The following GALNTL6 variants were observed in gnomAD, a reference collection of about 807,000 sequenced individuals.
The protein encoded by GALNTL6 is polypeptide N-acetylgalactosaminyltransferase-like 6.
A neutral mutation model predicts 73.7 loss-of-function variants in GALNTL6; 46 were observed. The ratio of observed to expected loss-of-function variants is 0.62; its 90% confidence interval spans 0.49 to 0.80. GALNTL6 has a LOEUF of 0.80. Ranked by LOEUF, GALNTL6 falls within the 30% of genes least tolerant of loss-of-function variation. GALNTL6 has a pLI of 0.00. For synonymous variants in GALNTL6, 259 were observed against 263.7 expected, an observed-to-expected ratio of 0.98 and a Z score of 0.17; for missense variants, 604 against 755.0, an observed-to-expected ratio of 0.80 and a Z score of 2.34.
chr4:171,996,147 G>A (rs917518251), intron 2 of GALNTL6, among the ~76,000 whole-genome samples: 1 of 152,000 alleles, frequency 6.6e-6, no homozygotes, highest in Non-Finnish European at 1.5e-5. Context: ...GTGCTTCTCT[G>A]AAATAGTGAT....
intron 7 of GALNTL6, among the ~76,000 whole-genome samples, chr4:172,835,877 A>C (rs1020684103): frequency 5.9e-5 from 9 of 152,206 alleles, no homozygotes; most frequent in African/African-American, 1.9e-4. Context: ...TTCCCACAGG[A>C]CTTCCAAAGA....
At chr4:172,998,852 A>T (rs184031995) in intron 10 of GALNTL6, among the ~76,000 whole-genome samples, 1 of 152,170 alleles carries the variant, frequency 6.6e-6, no homozygotes, top group East Asian at 1.9e-4. Context: ...ATCTTCTCAA[A>T]TTCATTTCTA....
chr4:171,927,785 C>G (rs1318250685), intron 2 of GALNTL6, among the ~76,000 whole-genome samples: 1 of 152,150 alleles, frequency 6.6e-6, no homozygotes, highest in East Asian at 1.9e-4. Context: ...CTTGTGTATT[C>G]CACTGCACAG....
At chr4:172,315,720 A>C (rs1337101116) in intron 4 of GALNTL6, among the ~76,000 whole-genome samples, 2 of 151,740 alleles carry the variant, frequency 1.3e-5, no homozygotes, top group East Asian at 3.9e-4. Context: ...TGTTGAAAAG[A>C]ATTTTACAAT....
intron 7 of GALNTL6, among the ~76,000 whole-genome samples, chr4:172,882,529 G>T (rs1286351515): frequency 1.3e-5 from 2 of 152,146 alleles, no homozygotes; most frequent in African/African-American, 4.8e-5. Flanking sequence ...TGGAGCAAAT[G>T]TGACTCTGCA....
chr4:172,203,593 A>G (rs1043945145), intron 2 of GALNTL6, among the ~76,000 whole-genome samples: 2 of 152,158 alleles, frequency 1.3e-5, no homozygotes, highest in African/African-American at 4.8e-5. Flanking sequence ...CAAGGCAGGA[A>G]TCAGGTTCAA....
At chr4:172,715,676 T>G (rs1235837840) in intron 5 of GALNTL6, among the ~76,000 whole-genome samples, 1 of 152,204 alleles carries the variant, frequency 6.6e-6, no homozygotes. Flanking sequence ...CATTCTTAGT[T>G]AACAATTCTA....
At chr4:171,845,643 T>A (rs1735349597) in intron 2 of GALNTL6, among the ~76,000 whole-genome samples, 1 of 152,040 alleles carries the variant, frequency 6.6e-6, no homozygotes, top group Admixed American at 6.6e-5. Flanking sequence ...CTTCAGCCAG[T>A]GGGATACAAA....
chr4:172,525,720 G>A (rs542392609), intron 5 of GALNTL6, among the ~76,000 whole-genome samples: 5 of 152,186 alleles, frequency 3.3e-5, no homozygotes, highest in East Asian at 3.9e-4. Flanking sequence ...AAATTAGGCC[G>A]GGTGTGCTGG....
At chr4:172,642,943 T>C (rs1740058455) in intron 5 of GALNTL6, among the ~76,000 whole-genome samples, 1 of 151,868 alleles carries the variant, frequency 6.6e-6, no homozygotes, top group Non-Finnish European at 1.5e-5. Flanking sequence ...ATTTTCATAA[T>C]TACAAAGGTT....
intron 10 of GALNTL6, among the ~76,000 whole-genome samples, chr4:172,963,461 T>G (rs1579715867): frequency 6.6e-6 from 1 of 152,250 alleles, no homozygotes; most frequent in African/African-American, 2.4e-5. Flanking sequence ...CACTAGAAAG[T>G]AAACTCGGTG....
At chr4:172,947,897 G>A (rs75148147) in intron 9 of GALNTL6, among the ~76,000 whole-genome samples, 2,974 of 152,250 alleles carry the variant, frequency 0.02, 49 homozygotes, top group Middle Eastern at 0.045. Flanking sequence ...TTATTGTACA[G>A]TCTATAAAAG....
chr4:171,885,433 C>T (rs1338292243), intron 2 of GALNTL6, among the ~76,000 whole-genome samples: 3 of 152,152 alleles, frequency 2.0e-5, no homozygotes, highest in African/African-American at 7.2e-5. Context: ...GGGGACTCTT[C>T]ATTGGCTGCA....
At chr4:172,464,608 G>A (rs944458003) in intron 5 of GALNTL6, among the ~76,000 whole-genome samples, 2 of 152,038 alleles carry the variant, frequency 1.3e-5, no homozygotes, top group Non-Finnish European at 2.9e-5. Context: ...TCAGGAGGCT[G>A]AGGCAAGAGA....
At chr4:172,779,972 A>G (rs998953586) in intron 5 of GALNTL6, among the ~76,000 whole-genome samples, 1 of 152,186 alleles carries the variant, frequency 6.6e-6, no homozygotes, top group Non-Finnish European at 1.5e-5. Flanking sequence ...TCTGTTCTCA[A>G]ACTAATGTGC....
chr4:172,069,573 A>G lies in GALNTL6; in HGVS notation c.139-160083A>G, dbSNP rs370054884. On this transcript the variant is annotated intron_variant, in intron 2 of 12. Coordinates refer to ENST00000506823, the MANE Select transcript of GALNTL6 (RefSeq NM_001034845.3). Reference sequence around the variant, plus strand: ...CATATATGTTATATATAACACATATATGTTATATATTATATATATAACACA... The same window carrying G: ...CATATATGTTATATATAACACATATGTGTTATATATTATATATATAACACA... 5.6e-4 allele frequency among the ~76,000 whole-genome samples: 6 copies of G among 10,684 alleles called. 1 individual carries two copies. The highest frequency in any genetic ancestry group is 3.8e-3 in the East Asian group (3 of 796). 7.0% of individuals were successfully genotyped at this position (10,684 alleles called of 152,430 possible). A position where few individuals can be genotyped will look rare whatever the true frequency, so the allele number is the denominator to read the frequency against.
In GALNTL6 at chr4:172,916,501, T is replaced by C. The variant is rs542550950; in HGVS notation, c.1042-14660T>C. 2.0e-3 allele frequency among the ~76,000 whole-genome samples: 301 copies of C among 152,282 alleles called. 1 individual carries two copies. The highest frequency in any genetic ancestry group is 6.5e-3 in the African/African-American group (272 of 41,560). On this transcript the variant is annotated intron_variant, in intron 8 of 12. Coordinates refer to ENST00000506823, the MANE Select transcript of GALNTL6 (RefSeq NM_001034845.3). ...ATGATTGTATATTTAGAAAACCCCA[T>C]TGTCTCAGCCCAAAATCTCCTTAAG...
At chr4:172,642,869 A>C (rs1294631670) in intron 5 of GALNTL6, among the ~76,000 whole-genome samples, 2 of 151,934 alleles carry the variant, frequency 1.3e-5, no homozygotes, top group East Asian at 3.9e-4. Context: ...AAAAATTTGA[A>C]TGTATGAATG....
chr4:172,415,505 A>G (rs1299417843), intron 5 of GALNTL6, among the ~76,000 whole-genome samples: 6 of 152,170 alleles, frequency 3.9e-5, no homozygotes, highest in African/African-American at 1.4e-4. Flanking sequence ...CTGAATGGTT[A>G]TAAGGCTCAA....
Sources: gnomAD v4.1 joint callset for allele counts (sites outside exome capture counted in the v4.1 genomes callset) on GRCh38, gnomAD v4.1.1 for gene constraint, MANE v1.5 for transcripts, NCBI Gene and HGNC (gene_info 2026-07-23, HGNC 2026-07-21) for gene names.